The following MAP3K4 variants were observed in gnomAD, a reference collection of about 807,000 sequenced individuals.
MAP3K4 encodes mitogen-activated protein kinase kinase kinase 4.
A neutral mutation model predicts 185.6 loss-of-function variants in MAP3K4; 67 were observed. The observed-to-expected ratio is 0.36, with a 90% CI of 0.30 to 0.44. MAP3K4 has a LOEUF of 0.44. Among genes scored for constraint, MAP3K4 ranks in the 20% least tolerant of loss-of-function variants. MAP3K4 has a pLI of 1.00. For synonymous variants in MAP3K4, 702 were observed against 710.4 expected (o/e 0.99, Z 0.19); for missense variants, 1,551 against 1,995.1 (o/e 0.78, Z 4.24).
At position 161,008,821 on chromosome 6, in the gene MAP3K4, C is replaced by A. The variant is rs1421527372; in HGVS notation, c.152+16738C>A. Among the ~76,000 whole-genome samples the A allele has an allele frequency of 6.6e-6, 1 of 152,068 alleles. No individual in the cohort carries two copies. Among genetic ancestry groups the A allele is most frequent in the African/African-American group, 2.4e-5 (1 of 41,390 alleles). On this transcript the variant is annotated intron_variant, in intron 1 of 26. Coordinates refer to ENST00000392142, the MANE Select transcript of MAP3K4 (RefSeq NM_005922.4). The surrounding 1 kb of genome is among the most constrained non-coding windows in gnomAD (Gnocchi z 4.1). ...TCTACTACTTTCACTCAGCATGGTG[C>A]TTGTGAGGTTCATCTATGTTGTTTT...
chr6:161,084,512 G>A lies in MAP3K4; in HGVS notation c.2267G>A (p.Gly756Glu), dbSNP rs1164238075. The A allele has an allele frequency of 6.5e-7, 1 of 1,537,842 alleles. No homozygotes were observed. The highest frequency in any genetic ancestry group is 1.7e-5 in the Admixed American group (1 of 59,920). The change falls in exon 7 of 27, where the codon GGA becomes GAA. Residue 756 changes from glycine to glutamate, a missense_variant. This residue lies in a region of MAP3K4 where 130 missense variants were observed against 171.3 expected (regional missense o/e 0.76). Transcript: ENST00000392142. The surrounding 1 kb of genome is among the most constrained non-coding windows in gnomAD (Gnocchi z 4.6). ...TTTTGTTCCCTTAGTGACATTGCAG[G>A]AATGCTGCTGAAATCTACAGGAAGT... ...QAGKLFCDIAGMLLKSTGSFL... is the reference protein window; with the variant it reads ...QAGKLFCDIAEMLLKSTGSFL...
intron 3 of MAP3K4, among the ~76,000 whole-genome samples, chr6:161,060,890 G>C (rs1562513533): frequency 6.6e-6 from 1 of 152,108 alleles, no homozygotes; most frequent in Non-Finnish European, 1.5e-5. Flanking sequence ...AGAGTGCTGA[G>C]ATTACAGGCA....
chr6:161,012,818 C>T (rs918850720), intron 1 of MAP3K4, among the ~76,000 whole-genome samples: 5 of 151,528 alleles, frequency 3.3e-5, no homozygotes, highest in Non-Finnish European at 7.4e-5. Flanking sequence ...GGGAGGAGGT[C>T]CTTTAGGCTG....
In MAP3K4 at chr6:161,097,981, G is replaced by A. The variant is rs1175420813; in HGVS notation, c.3525-297G>A. On this transcript the variant is annotated intron_variant, in intron 16 of 26. Transcript: ENST00000392142. The surrounding 1 kb of genome is among the most constrained non-coding windows in gnomAD (Gnocchi z 4.9). ...CGTGCCTGTAGTCCCAGCTACTCAG[G>A]AGGCTGAGGCAAGGAGGATCACTTG... Among the ~76,000 whole-genome samples, 1 of 151,998 alleles carries A rather than the reference G, an allele frequency of 6.6e-6. No homozygotes were observed. Among genetic ancestry groups the A allele is most frequent in the African/African-American group, 2.4e-5 (1 of 41,386 alleles).
chr6:161,106,628 C>A lies in MAP3K4; in HGVS notation c.3971C>A (p.Thr1324Lys). 1 of 1,613,846 alleles carries A rather than the reference C, an allele frequency of 6.2e-7. No homozygotes were observed. Among genetic ancestry groups the A allele is most frequent in the Non-Finnish European group, 8.5e-7 (1 of 1,179,888 alleles). The change falls in exon 20 of 27, where the codon ACG becomes AAG. Residue 1324 changes from threonine to lysine, a missense_variant. Transcript: ENST00000392142. This position sits in a 1 kb window ranked among gnomAD's most constrained non-coding sequence, Gnocchi z 4.9. ...AATATCATTGGTCAAGTTTGTGATA[C>A]GCCTAAGTCCTATGATAATGTTATG... ...RKNIIGQVCD[T>K]PKSYDNVMHV... is the part of the protein sequence containing the mutation.
chr6:161,073,221 G>A lies in MAP3K4; in HGVS notation c.1951-245G>A. 3.0e-6 allele frequency: 1 copy of A among 330,764 alleles called. No homozygotes were observed. Among genetic ancestry groups the A allele is most frequent in the Non-Finnish European group, 5.4e-6 (1 of 184,824 alleles). 20.5% of individuals were successfully genotyped at this position (330,764 alleles called of 1,614,324 possible). A position where few individuals can be genotyped will look rare whatever the true frequency, so the allele number is the denominator to read the frequency against. On this transcript the variant is annotated intron_variant, in intron 4 of 26. Transcript: ENST00000392142. The surrounding 1 kb of genome is among the most constrained non-coding windows in gnomAD (Gnocchi z 4.2). ...TAGCAAAGCAGTAATTGCCTATATGGTATTTTCTCTGTGTATCCATGCTGT... is the reference window on the plus strand; with the variant it reads ...TAGCAAAGCAGTAATTGCCTATATGATATTTTCTCTGTGTATCCATGCTGT...
At chr6:161,095,417 C>T (rs1415053400) in intron 15 of MAP3K4, among the ~76,000 whole-genome samples, 1 of 152,164 alleles carries the variant, frequency 6.6e-6, no homozygotes, top group Non-Finnish European at 1.5e-5. Context: ...AAAATGAGAG[C>T]ACATCAACTG....
intron 1 of MAP3K4, among the ~76,000 whole-genome samples, chr6:161,029,739 G>A (rs1020543214): frequency 8.5e-5 from 13 of 152,264 alleles, no homozygotes; most frequent in Middle Eastern, 3.4e-3. Context: ...TCACATGAAC[G>A]ATTACAAAAT....
intron 19 of MAP3K4, among the ~76,000 whole-genome samples, 184 bp downstream of exon 19, chr6:161,102,963 T>A (rs185969214): frequency 3.9e-5 from 6 of 152,340 alleles, no homozygotes; most frequent in Admixed American, 2.6e-4. Context: ...GTACATTTCC[T>A]ATTTCTAGTA....
chr6:161,019,865 C>G (rs1030162597), intron 1 of MAP3K4, among the ~76,000 whole-genome samples: 1 of 151,752 alleles, frequency 6.6e-6, no homozygotes, highest in East Asian at 1.9e-4. Flanking sequence ...CAAATTTGTC[C>G]GAATAATTAA....
At chr6:161,044,876 G>C (rs1306994913) in intron 2 of MAP3K4, among the ~76,000 whole-genome samples, 1 of 152,124 alleles carries the variant, frequency 6.6e-6, no homozygotes, top group Admixed American at 6.5e-5. Context: ...AATAGAGCGA[G>C]GACTGGCTGG....
chr6:160,997,845 G>A (rs528033907), intron 1 of MAP3K4, among the ~76,000 whole-genome samples: 3 of 152,212 alleles, frequency 2.0e-5, no homozygotes, highest in African/African-American at 7.2e-5. Flanking sequence ...ATTCTTTCCT[G>A]GGATTTTTCA....
rs1299302059 is a variant in MAP3K4 at position 161,034,555 on chromosome 6, T to C, written c.343+106T>C. ...TCTTTTATTTTTAATTTGATTTTAATGCTCCTGTAAAGTTCAATTTTTTTT... is the reference window on the plus strand; with the variant it reads ...TCTTTTATTTTTAATTTGATTTTAACGCTCCTGTAAAGTTCAATTTTTTTT... On this transcript the variant is annotated intron_variant, in intron 2 of 26. Transcript: ENST00000392142. This position sits in a 1 kb window ranked among gnomAD's most constrained non-coding sequence, Gnocchi z 4.4. 1.0e-6 allele frequency: 1 copy of C among 955,322 alleles called. No homozygotes were observed. Among genetic ancestry groups the C allele is most frequent in the African/African-American group, 2.1e-5 (1 of 47,070 alleles). The allele number at this position is 955,322 out of a possible 1,614,324, so 59.2% of individuals were successfully genotyped here. A position where few individuals can be genotyped will look rare whatever the true frequency, so the allele number is the denominator to read the frequency against.
Position 161,049,164 on chromosome 6 carries a change from A to C in MAP3K4, c.892A>C (p.Ile298Leu). The change falls in exon 3 of 27, where the codon ATC becomes CTC. Residue 298 changes from isoleucine (I) to leucine (L), a missense_variant. Physicochemically the swap from Ile to Leu is conservative, Grantham distance 5. Transcript: ENST00000392142. This position sits in a 1 kb window ranked among gnomAD's most constrained non-coding sequence, Gnocchi z 8.4. ...AGCCATCCCAGATATTATTAATGAA[A>C]TCCTTACTTTCAAAGTCGACTATGG... ...RQAIPDIINE[I>L]LTFKVDYGSF... The C allele has an allele frequency of 6.2e-7, 1 of 1,614,132 alleles. No homozygotes were observed. Among genetic ancestry groups the C allele is most frequent in the South Asian group, 1.1e-5 (1 of 91,076 alleles).
rs896212004 is a variant in MAP3K4 at position 161,056,553 on chromosome 6, C to T, written c.1707+6574C>T. Among the ~76,000 whole-genome samples the T allele has an allele frequency of 6.6e-6, 1 of 152,304 alleles. No homozygotes were observed. Among genetic ancestry groups the T allele is most frequent in the East Asian group, 1.9e-4 (1 of 5,190 alleles). ...AACTTACTTCTCTTATAGTGAGAAA[C>T]CTGGCTACCATTACTACAATTAATT... is the stretch of plus-strand genomic sequence containing the variant. On this transcript the variant is annotated intron_variant, in intron 3 of 26. Transcript: ENST00000392142. The surrounding 1 kb of genome is among the most constrained non-coding windows in gnomAD (Gnocchi z 5.4).
chr6:161,091,989 A>G lies in MAP3K4; in HGVS notation c.3136-21A>G, dbSNP rs1314929610. On this transcript the variant is annotated intron_variant, in intron 12 of 26. Coordinates refer to ENST00000392142, the MANE Select transcript of MAP3K4 (RefSeq NM_005922.4). The surrounding 1 kb of genome is among the most constrained non-coding windows in gnomAD (Gnocchi z 5.5). ...TAATGATCATTTCCTTAATGTTGATATACATGAAATCTTCTTACAGTATCA... is the reference window on the plus strand; with the variant it reads ...TAATGATCATTTCCTTAATGTTGATGTACATGAAATCTTCTTACAGTATCA... 1.3e-6 allele frequency: 2 copies of G among 1,594,508 alleles called. No individual in the cohort carries two copies. The highest frequency in any genetic ancestry group is 1.1e-5 in the South Asian group (1 of 90,598).
chr6:161,046,206 TTATCTTGAAAAA>T (rs1408591308), intron 2 of MAP3K4, among the ~76,000 whole-genome samples: 1 of 152,140 alleles, frequency 6.6e-6, no homozygotes, highest in Non-Finnish European at 1.5e-5. Context: ...ATAATATGAA[TTATCTTGAAAAA>T]TATAGTGGAG....
chr6:161,107,034 C>G lies in MAP3K4; in HGVS notation c.4048+329C>G, dbSNP rs964927022. 2.4e-5 allele frequency among the ~76,000 whole-genome samples: 3 copies of G among 124,138 alleles called. No homozygotes were observed. The highest frequency in any genetic ancestry group is 9.4e-5 in the African/African-American group (3 of 31,974). 81.4% of individuals were successfully genotyped at this position (124,138 alleles called of 152,430 possible). On this transcript the variant is annotated intron_variant, in intron 20 of 26. Coordinates refer to ENST00000392142, the MANE Select transcript of MAP3K4 (RefSeq NM_005922.4). The surrounding 1 kb of genome is among the most constrained non-coding windows in gnomAD (Gnocchi z 6.2). Reference sequence around the variant, plus strand: ...CATTTGTTCTAGTTTCTCTCTCTCTCTCTACACACGCGCGCGCACACACAC... The same window carrying G: ...CATTTGTTCTAGTTTCTCTCTCTCTGTCTACACACGCGCGCGCACACACAC...
At position 161,084,584 on chromosome 6, in the gene MAP3K4, G is replaced by C; in HGVS notation, c.2339G>C (p.Ser780Thr). ...LQESCAEFWT[S>T]ADDSSASDEI... ...GAGAGCTGTGCTGAATTTTGGACTA[G>C]TGCGGATGACAGCAGTGCTTCCGAC... is the stretch of plus-strand genomic sequence containing the variant. Residue 780 changes from serine (S) to threonine (T), a missense_variant, in exon 7 of 27, where the codon AGT becomes ACT. Around this residue, in one of 16 missense-constraint regions of MAP3K4, gnomAD observed 130 missense variants for 171.3 expected, o/e 0.76. Coordinates refer to ENST00000392142, the MANE Select transcript of MAP3K4 (RefSeq NM_005922.4). This position sits in a 1 kb window ranked among gnomAD's most constrained non-coding sequence, Gnocchi z 4.6. 2 of 1,612,092 alleles carry C rather than the reference G, an allele frequency of 1.2e-6. No individual in the cohort carries two copies. The highest frequency in any genetic ancestry group is 1.7e-6 in the Non-Finnish European group (2 of 1,178,156).
Sources: gnomAD v4.1 joint callset for allele counts (sites outside exome capture counted in the v4.1 genomes callset) on GRCh38, gnomAD v4.1.1 for gene constraint, gnomAD v4.1.1 regional missense constraint, Gnocchi (gnomAD v3.1) non-coding constraint, MANE v1.5 for transcripts, NCBI Gene and HGNC (gene_info 2026-07-23, HGNC 2026-07-21) for gene names.